The following WDPCP variants were observed in gnomAD, a reference collection of about 807,000 sequenced individuals.
WDPCP encodes WD repeat containing planar cell polarity effector.
WDPCP carries 71 observed loss-of-function variants against 93.1 expected under a neutral mutation model. The ratio of observed to expected loss-of-function variants is 0.76; its 90% CI spans 0.63 to 0.93. The LOEUF (loss-of-function observed/expected upper bound fraction) is 0.93. Among genes scored for constraint, WDPCP ranks in the 40% least tolerant of loss-of-function variants. The pLI, the probability that WDPCP is intolerant of heterozygous loss-of-function variation, is 0.00. For synonymous variants in WDPCP, 315 were observed against 315.0 expected, an observed-to-expected ratio of 1.00 and a Z score of 0.00; for missense variants, 844 against 887.4, an observed-to-expected ratio of 0.95 and a Z score of 0.62.
chr2:63,435,271 A>T (rs1345803263), intron 8 of WDPCP, among the ~76,000 whole-genome samples: 3 of 152,198 alleles, frequency 2.0e-5, no homozygotes, highest in Non-Finnish European at 4.4e-5. Context: ...TGCCAAAATT[A>T]TGTCAATCTG....
chr2:63,715,322 A>G (rs1669322481), intron 2 of WDPCP, among the ~76,000 whole-genome samples: 1 of 152,258 alleles, frequency 6.6e-6, no homozygotes, highest in African/African-American at 2.4e-5. Flanking sequence ...AAATAAATGC[A>G]AAACAGCACT....
chr2:63,702,375 T>C (rs776102659), intron 2 of WDPCP, among the ~76,000 whole-genome samples: 1 of 152,194 alleles, frequency 6.6e-6, no homozygotes, highest in Non-Finnish European at 1.5e-5. Context: ...TGAATTGATC[T>C]TTACAAATTA....
chr2:63,840,207 C>T, the WDPCP span, among the ~76,000 whole-genome samples: 1 of 152,224 alleles, frequency 6.6e-6, no homozygotes, highest in African/African-American at 2.4e-5. Context: ...CTGCCAGGCA[C>T]ACTGAGTCTT....
Position 63,412,199 on chromosome 2 carries a change from T to C in WDPCP, c.826-7542A>G, listed in dbSNP as rs571899237. ...ATCCACCATGATCAAGTGGGTTTCA[T>C]ACCAGGGATGCAGGGATGGTTTAAC... On this transcript the variant is annotated intron_variant, in intron 9 of 17. Transcript: ENST00000272321. Among the ~76,000 whole-genome samples, 3 of 152,296 alleles carry C rather than the reference T, an allele frequency of 2.0e-5. No individual in the cohort carries two copies. The East Asian group carries it at 5.8e-4, about 29-fold the overall frequency.
intron 14 of WDPCP, among the ~76,000 whole-genome samples, chr2:63,197,032 A>C (rs1675490348): frequency 6.6e-6 from 1 of 152,132 alleles, no homozygotes; most frequent in Admixed American, 6.5e-5. Context: ...AAAAGAAATA[A>C]ACAAATTATG....
chr2:63,633,122 C>T (rs1275629141), intron 3 of WDPCP, among the ~76,000 whole-genome samples: 1 of 152,142 alleles, frequency 6.6e-6, no homozygotes, highest in Non-Finnish European at 1.5e-5. Flanking sequence ...TTTTACCCTG[C>T]AAAGCTGTCC....
At chr2:63,159,572 T>A (rs1400560900) in intron 15 of WDPCP, among the ~76,000 whole-genome samples, 1 of 152,224 alleles carries the variant, frequency 6.6e-6, no homozygotes, top group Admixed American at 6.5e-5. Context: ...TAAGACTTGA[T>A]CTTGTTAAAA....
chr2:63,139,063 G>C (rs1277293319), intron 17 of WDPCP, among the ~76,000 whole-genome samples: 1 of 152,070 alleles, frequency 6.6e-6, no homozygotes, highest in African/African-American at 2.4e-5. Flanking sequence ...GTACTCCACT[G>C]TGTATGTATG....
chr2:63,447,883 A>C (rs1471830386), intron 6 of WDPCP, among the ~76,000 whole-genome samples: 1 of 152,104 alleles, frequency 6.6e-6, no homozygotes, highest in African/African-American at 2.4e-5. Context: ...ATATAAGCCA[A>C]ATTGCTGAAC....
chr2:63,145,104 T>C (rs1048107510), intron 17 of WDPCP, among the ~76,000 whole-genome samples: 1 of 152,186 alleles, frequency 6.6e-6, no homozygotes, highest in African/African-American at 2.4e-5. Flanking sequence ...TCCTGTGATA[T>C]GAAGCATCTA....
At chr2:63,821,268 A>T (rs1671014023) in intron 1 of WDPCP, among the ~76,000 whole-genome samples, 1 of 152,168 alleles carries the variant, frequency 6.6e-6, no homozygotes, top group Admixed American at 6.5e-5. Context: ...GTCATTAAGA[A>T]GGTGAACTCT....
intron 1 of WDPCP, among the ~76,000 whole-genome samples, chr2:63,494,231 G>A (rs1701066277): frequency 6.6e-6 from 1 of 151,948 alleles, no homozygotes; most frequent in Non-Finnish European, 1.5e-5. Flanking sequence ...GTTGTGAAAC[G>A]TTAGTGGGTC....
intron 2 of WDPCP, among the ~76,000 whole-genome samples, chr2:63,683,783 A>G (rs1319671018): frequency 6.6e-6 from 1 of 151,600 alleles, no homozygotes; most frequent in Non-Finnish European, 1.5e-5. Flanking sequence ...CAGGAGGCGG[A>G]GGTTGCAGTG....
At chr2:63,276,772 G>T (rs1219084695) in intron 13 of WDPCP, among the ~76,000 whole-genome samples, 1 of 152,206 alleles carries the variant, frequency 6.6e-6, no homozygotes, top group African/African-American at 2.4e-5. Flanking sequence ...ACCCAAGGAA[G>T]AAGAGAAATC....
intron 1 of WDPCP, among the ~76,000 whole-genome samples, chr2:63,574,499 G>A (rs1707776349): frequency 1.3e-5 from 2 of 152,062 alleles, no homozygotes; most frequent in Admixed American, 1.3e-4. Flanking sequence ...ATCAATTTGT[G>A]CTTTTATACC....
At chr2:63,324,741 G>A (rs1483917466) in intron 12 of WDPCP, among the ~76,000 whole-genome samples, 3 of 152,202 alleles carry the variant, frequency 2.0e-5, no homozygotes, top group Non-Finnish European at 4.4e-5. Flanking sequence ...TGGTCAGCAA[G>A]CTGTCCCCAG....
In WDPCP at chr2:63,404,424, A is replaced by T; in HGVS notation, c.1059T>A (p.Ile353=). The T allele has an allele frequency of 6.2e-7, 1 of 1,614,160 alleles. No individual in the cohort carries two copies. ...TTAGCGAAGAATCTTCACAGCCCAGAATCAGTTTGTCTTCAGTAACATTCC... is the reference window on the plus strand; with the variant it reads ...TTAGCGAAGAATCTTCACAGCCCAGTATCAGTTTGTCTTCAGTAACATTCC... ...CCRNVTEDKL[I]LGCEDSSLIL... Residue 353 remains isoleucine (I), a synonymous_variant, in exon 10 of 18, where the codon ATT becomes ATA. Transcript: ENST00000272321.
chr2:63,395,865 T>C (rs536934285), intron 10 of WDPCP, among the ~76,000 whole-genome samples: 1 of 152,182 alleles, frequency 6.6e-6, no homozygotes, highest in Non-Finnish European at 1.5e-5. Context: ...GTAGCTGGGA[T>C]TACAGGTATG....
chr2:63,180,495 T>C (rs1674161857), intron 14 of WDPCP, among the ~76,000 whole-genome samples: 1 of 152,118 alleles, frequency 6.6e-6, no homozygotes, highest in Non-Finnish European at 1.5e-5. Flanking sequence ...GTTCCATCAA[T>C]GTTGCTGCAA....
Sources: gnomAD v4.1 joint callset for allele counts (sites outside exome capture counted in the v4.1 genomes callset) on GRCh38, gnomAD v4.1.1 for gene constraint, MANE v1.5 for transcripts, NCBI Gene and HGNC (gene_info 2026-07-23, HGNC 2026-07-21) for gene names.